The following CPPED1 variants were observed in gnomAD, a reference collection of about 807,000 sequenced individuals.
CPPED1 encodes the protein serine/threonine-protein phosphatase CPPED1.
In CPPED1, 28 loss-of-function variants were observed where a neutral mutation model predicts 28.0. The ratio of observed to expected loss-of-function variants is 1.00; its 90% confidence interval spans 0.74 to 1.37. CPPED1 has a LOEUF of 1.37. CPPED1 is among the 40% of genes most tolerant of loss of function. The pLI is 0.00. For synonymous variants in CPPED1, 198 were observed against 180.2 expected, an observed-to-expected ratio of 1.10 and a Z score of -0.79; for missense variants, 504 against 416.5, an observed-to-expected ratio of 1.21 and a Z score of -1.83.
chr16:12,674,585 C>T (rs1016127889), intron 3 of CPPED1, among the ~76,000 whole-genome samples: 9 of 152,244 alleles, frequency 5.9e-5, no homozygotes, highest in Middle Eastern at 3.4e-3. Context: ...GGCACAGTGG[C>T]GGGGCACTCT....
At chr16:12,672,896 C>G (rs2079859668) in intron 3 of CPPED1, among the ~76,000 whole-genome samples, 1 of 152,172 alleles carries the variant, frequency 6.6e-6, no homozygotes, top group East Asian at 1.9e-4. Context: ...CGCCTGTAAT[C>G]CTAGCTACTT....
In CPPED1 at chr16:12,684,670, A is replaced by G. The variant is rs146001811; in HGVS notation, c.716-19555T>C. ...TTCTTCTTCATCCTCTCCCTTGCAA[A>G]TTCTTTTACTTTTGCCCTGATTTCT... On this transcript the variant is annotated intron_variant, in intron 3 of 3. Transcript: ENST00000381774. Among the ~76,000 whole-genome samples the G allele has an allele frequency of 1.3e-4, 20 of 152,108 alleles. No homozygotes were observed. The East Asian group carries it at 1.4e-3, about 10-fold the overall frequency.
chr16:12,700,769 A>G (rs1001546487), intron 3 of CPPED1, among the ~76,000 whole-genome samples: 1 of 152,188 alleles, frequency 6.6e-6, no homozygotes, highest in Non-Finnish European at 1.5e-5. Flanking sequence ...AGGTCTCCCA[A>G]CTGCATAGCT....
chr16:12,744,683 G>C (rs954754855), intron 2 of CPPED1, among the ~76,000 whole-genome samples: 3 of 152,028 alleles, frequency 2.0e-5, no homozygotes, highest in African/African-American at 7.2e-5. Context: ...AAAGCATTAA[G>C]AGTTTGAAGG....
chr16:12,754,237 T>C (rs1188549801), intron 2 of CPPED1, among the ~76,000 whole-genome samples: 5 of 152,162 alleles, frequency 3.3e-5, no homozygotes, highest in Non-Finnish European at 5.9e-5. Flanking sequence ...ATATTGATTT[T>C]AAAACCAGCT....
At chr16:12,745,953 A>G (rs1445907967) in intron 2 of CPPED1, 1 of 152,230 alleles carries the variant, frequency 6.6e-6, no homozygotes, top group Non-Finnish European at 1.5e-5. Flanking sequence ...AGCCAGACAG[A>G]AAAAACACAT....
At chr16:12,710,183 A>G (rs1019129283) in intron 2 of CPPED1, among the ~76,000 whole-genome samples, 9 of 152,224 alleles carry the variant, frequency 5.9e-5, no homozygotes, top group African/African-American at 1.9e-4. Flanking sequence ...CAAAGTAAAT[A>G]TATAAAAATC....
chr16:12,723,125 C>T (rs1448248949), intron 2 of CPPED1, among the ~76,000 whole-genome samples: 1 of 152,244 alleles, frequency 6.6e-6, no homozygotes, highest in South Asian at 2.1e-4. Flanking sequence ...GCACACACAC[C>T]GCACATGCAC....
At chr16:12,787,437 A>C (rs2080570817) in intron 1 of CPPED1, among the ~76,000 whole-genome samples, 1 of 139,418 alleles carries the variant, frequency 7.2e-6, no homozygotes, top group African/African-American at 2.7e-5. Flanking sequence ...ATGGAGTCTC[A>C]CTCTGTCACT....
At chr16:12,666,320 A>T (rs1413657389) in intron 3 of CPPED1, among the ~76,000 whole-genome samples, 2 of 152,154 alleles carry the variant, frequency 1.3e-5, no homozygotes, top group African/African-American at 4.8e-5. Flanking sequence ...CATGAGTGGG[A>T]GTAAAATGTC....
intron 2 of CPPED1, among the ~76,000 whole-genome samples, chr16:12,743,192 A>G (rs1026430446): frequency 6.6e-6 from 1 of 152,304 alleles, no homozygotes; most frequent in Middle Eastern, 3.4e-3. Flanking sequence ...GGGCCTTTTG[A>G]AGGGTAAGTC....
intron 3 of CPPED1, among the ~76,000 whole-genome samples, chr16:12,693,395 CATGTTGCCT>C (rs1394940869): frequency 6.6e-6 from 1 of 152,098 alleles, no homozygotes; most frequent in African/African-American, 2.4e-5. Flanking sequence ...CAGGTTTCAC[CATGTTGCCT>C]AGGCTGGTCT....
At chr16:12,724,420 G>A (rs1160784001) in intron 2 of CPPED1, among the ~76,000 whole-genome samples, 4 of 152,168 alleles carry the variant, frequency 2.6e-5, no homozygotes, top group African/African-American at 9.7e-5. Flanking sequence ...TGACCAGCCT[G>A]TCACTTCCAT....
intron 3 of CPPED1, among the ~76,000 whole-genome samples, chr16:12,696,436 T>C (rs1433679594): frequency 6.8e-6 from 1 of 146,680 alleles, no homozygotes; most frequent in Non-Finnish European, 1.5e-5. Flanking sequence ...CTAAGTGACT[T>C]TCTTTTTTTT....
intron 2 of CPPED1, among the ~76,000 whole-genome samples, chr16:12,764,443 T>C (rs978841128): frequency 1.3e-5 from 2 of 152,130 alleles, no homozygotes; most frequent in African/African-American, 4.8e-5. Flanking sequence ...GCTCAAGTGA[T>C]CTGCCCACCT....
intron 3 of CPPED1, among the ~76,000 whole-genome samples, chr16:12,690,329 C>T (rs1407875843): frequency 1.3e-5 from 2 of 151,060 alleles, no homozygotes; most frequent in South Asian, 2.1e-4. Flanking sequence ...ACTTGGGCAA[C>T]ACGGTGAAAC....
At chr16:12,706,598 G>T (rs1345490011) in intron 2 of CPPED1, among the ~76,000 whole-genome samples, 2 of 147,952 alleles carry the variant, frequency 1.4e-5, no homozygotes, top group East Asian at 4.1e-4. Flanking sequence ...TGACTCCATG[G>T]TTCTGGGGCT....
At chr16:12,778,223 A>C (rs1162291455) in intron 2 of CPPED1, among the ~76,000 whole-genome samples, 2 of 147,098 alleles carry the variant, frequency 1.4e-5, no homozygotes, top group African/African-American at 2.5e-5. Flanking sequence ...CTCCATTTTC[A>C]ACTTAAATCC....
chr16:12,728,353 A>G (rs1466052343), intron 2 of CPPED1, among the ~76,000 whole-genome samples: 1 of 152,190 alleles, frequency 6.6e-6, no homozygotes, highest in South Asian at 2.1e-4. Context: ...TGTTATATTA[A>G]TAGAAATAAA....
Sources: gnomAD v4.1 joint callset for allele counts (sites outside exome capture counted in the v4.1 genomes callset) on GRCh38, gnomAD v4.1.1 for gene constraint, MANE v1.5 for transcripts, NCBI Gene and HGNC (gene_info 2026-07-23, HGNC 2026-07-21) for gene names.